Variants in MBTD1 observed in about 807,000 individuals in gnomAD.
The protein encoded by MBTD1 is MBT domain-containing protein 1.
A neutral mutation model predicts 87.8 loss-of-function variants in MBTD1; 24 were observed. The observed-to-expected ratio is 0.27, with a 90% confidence interval of 0.20 to 0.38. The LOEUF is 0.38. Ranked by LOEUF, MBTD1 falls within the 10% of genes least tolerant of loss-of-function variation. MBTD1 has a pLI of 1.00. For missense variants in MBTD1, 436 were observed against 760.2 expected (o/e 0.57, Z 5.02); for synonymous variants, 237 against 248.6 (o/e 0.95, Z 0.44).
At chr17:51,215,390 G>A (rs942098103) in intron 6 of MBTD1, among the ~76,000 whole-genome samples, 3 of 152,124 alleles carry the variant, frequency 2.0e-5, no homozygotes, top group African/African-American at 7.2e-5. Flanking sequence ...TTATGCTTCT[G>A]GGGTTGAAAT....
At position 51,181,161 on chromosome 17, in the gene MBTD1, G is replaced by A. The variant is rs570673930; in HGVS notation, c.1769-467C>T. ...TCAGCACCGCCCCCCCAAGTAGGTG[G>A]GACTACAGGCACCCACCACCACGCC... On this transcript the variant is annotated intron_variant, in intron 16 of 16. Transcript: ENST00000586178. Among the ~76,000 whole-genome samples, 10 of 151,812 alleles carry A rather than the reference G, an allele frequency of 6.6e-5. No homozygotes were observed. In the South Asian group the frequency reaches 1.9e-3, roughly 28 times the overall value.
intron 5 of MBTD1, 31 bp from the exon 6 acceptor site, chr17:51,217,447 AT>A (rs764533948): frequency 3.6e-5 from 38 of 1,052,338 alleles, no homozygotes; most frequent in East Asian, 2.2e-4. Context: ...ATGTATTATA[AT>A]TCTCAAATCT....
chr17:51,224,682 G>C (rs142522167), intron 3 of MBTD1, among the ~76,000 whole-genome samples: 1 of 152,146 alleles, frequency 6.6e-6, no homozygotes, highest in African/African-American at 2.4e-5. Context: ...GCCCAACCTC[G>C]AATGTCTCTT....
intron 12 of MBTD1, among the ~76,000 whole-genome samples, chr17:51,199,753 G>A (rs946523861): frequency 1.3e-5 from 2 of 152,146 alleles, no homozygotes; most frequent in Non-Finnish European, 2.9e-5. Context: ...GAAGAACAGG[G>A]TTTGGAGCCA....
chr17:51,209,871 T>C (rs1025345108), intron 6 of MBTD1, among the ~76,000 whole-genome samples: 2 of 152,142 alleles, frequency 1.3e-5, no homozygotes, highest in Non-Finnish European at 2.9e-5. Flanking sequence ...GATGATGAAA[T>C]ATTATTTGGA....
At chr17:51,222,977 A>AT (rs903121603) in intron 3 of MBTD1, among the ~76,000 whole-genome samples, 12 of 149,276 alleles carry the variant, frequency 8.0e-5, no homozygotes, top group Middle Eastern at 3.6e-3. Flanking sequence ...ATTTTTTTCA[A>AT]TTTTTTTTCG....
chr17:51,253,527 CAA>C (rs1193744727), intron 2 of MBTD1, among the ~76,000 whole-genome samples: 1 of 151,960 alleles, frequency 6.6e-6, no homozygotes, highest in Non-Finnish European at 1.5e-5. Context: ...ACTTTTTATT[CAA>C]AGAGACAATA....
upstream of MBTD1, chr17:51,260,525 C>G (rs1026918239): frequency 1.3e-6 from 2 of 1,535,068 alleles, no homozygotes; most frequent in African/African-American, 1.4e-5. Context: ...CCGCGAGGGG[C>G]CTGGGCGCAT....
intron 2 of MBTD1, among the ~76,000 whole-genome samples, chr17:51,252,098 GTTATTA>G (rs2054820616): frequency 2.0e-5 from 3 of 152,100 alleles, no homozygotes; most frequent in South Asian, 4.1e-4. Flanking sequence ...ATCTGATTTG[GTTATTA>G]TTATAATATT....
chr17:51,190,750 A>AAAAATATATATATAT (rs1555677185), intron 16 of MBTD1, among the ~76,000 whole-genome samples: 1 of 39,712 alleles, frequency 2.5e-5, no homozygotes, highest in African/African-American at 1.5e-4. Flanking sequence ...AAAAAAAAAA[A>AAAAATATATATATAT]ATATATATAT....
intron 2 of MBTD1, among the ~76,000 whole-genome samples, chr17:51,258,169 G>A (rs967264084): frequency 2.0e-5 from 3 of 152,204 alleles, no homozygotes; most frequent in Admixed American, 6.5e-5. Flanking sequence ...TTAAATAGGA[G>A]ACTGGGGCTT....
intron 2 of MBTD1, among the ~76,000 whole-genome samples, chr17:51,234,643 T>C (rs571127875): frequency 9.8e-5 from 15 of 152,324 alleles, no homozygotes; most frequent in Admixed American, 4.6e-4. Flanking sequence ...TAGGCTCAAA[T>C]GGCTTTACTG....
chr17:51,192,506 A>G (rs939126496), intron 15 of MBTD1: 1 of 639,328 alleles, frequency 1.6e-6, no homozygotes. Flanking sequence ...AACTTTTAGT[A>G]TGTAATTTTT....
chr17:51,204,360 G>T (rs144371666), intron 7 of MBTD1, among the ~76,000 whole-genome samples: 1 of 149,514 alleles, frequency 6.7e-6, no homozygotes, highest in African/African-American at 2.5e-5. Context: ...GGGTTCAAGC[G>T]ATTCTCCTAC....
Position 51,193,512 on chromosome 17 carries a change from T to TA in MBTD1, c.1373-3dup. On this transcript the variant is annotated splice_region_variant and splice_polypyrimidine_tract_variant and intron_variant, in intron 13 of 16. Transcript: ENST00000586178. ...ATTTAAAAGGAAGTTTTGTGTAACC[T>TA]AAAAAACACAACTGGTTTAACTAGC... The TA allele has an allele frequency of 1.3e-6, 2 of 1,585,590 alleles. No individual in the cohort carries two copies. The highest frequency in any genetic ancestry group is 1.7e-6 in the Non-Finnish European group (2 of 1,156,044).
chr17:51,260,225 G>A, upstream of MBTD1: 1 of 428,242 alleles, frequency 2.3e-6, no homozygotes, highest in Non-Finnish European at 4.1e-6. Flanking sequence ...CAAGTCAAGT[G>A]GTTACAGCCA....
intron 2 of MBTD1, among the ~76,000 whole-genome samples, chr17:51,231,788 C>A (rs956340632): frequency 3.3e-5 from 5 of 151,288 alleles, no homozygotes; most frequent in Non-Finnish European, 7.4e-5. Flanking sequence ...TCTATTTAGG[C>A]AATGTGGTTT....
At position 51,179,523 on chromosome 17, in the gene MBTD1, TATATATATATATATG is replaced by T; in HGVS notation, c.*1038_*1052del. The T allele has an allele frequency of 9.2e-6, 1 of 109,160 alleles. No individual in the cohort carries two copies. The highest frequency in any genetic ancestry group is 2.6e-4 in the East Asian group (1 of 3,858). 6.8% of individuals were successfully genotyped at this position (109,160 alleles called of 1,614,324 possible). On this transcript the variant is annotated 3_prime_UTR_variant, in exon 17 of 17. Transcript: ENST00000586178. ...ATATATATATATATATATATATATA[TATATATATATATATG>T]GAATTTTAAGAAAATTAAATTCTCT...
At chr17:51,260,191 TGGAAAGCGTATTGG>T, upstream of MBTD1, 1 of 380,688 alleles carries the variant, frequency 2.6e-6, no homozygotes, top group Non-Finnish European at 4.7e-6. Flanking sequence ...AGACGAAGGG[TGGAAAGCGTATTGG>T]GGCTTGTGTC....
Sources: gnomAD v4.1 joint callset for allele counts (sites outside exome capture counted in the v4.1 genomes callset) on GRCh38, gnomAD v4.1.1 for gene constraint, MANE v1.5 for transcripts, NCBI Gene and HGNC (gene_info 2026-07-23, HGNC 2026-07-21) for gene names.